The following SGCZ variants were observed in gnomAD, a reference collection of about 807,000 sequenced individuals.
SGCZ encodes the protein sarcoglycan zeta.
SGCZ carries 40 observed loss-of-function variants against 41.3 expected under a neutral mutation model. That is an observed-to-expected ratio of 0.97 (90% CI 0.75 to 1.26). The LOEUF (loss-of-function observed/expected upper bound fraction) is 1.26. SGCZ is among the 50% of genes most tolerant of loss of function. The probability of loss-of-function intolerance (pLI) is 0.00; values close to 1 mark genes in which losing one functional copy is unlikely to be tolerated. For synonymous variants in SGCZ, 206 were observed against 137.5 expected (o/e 1.50, Z -3.49); for missense variants, 552 against 369.8 (o/e 1.49, Z -4.04).
intron 3 of SGCZ, among the ~76,000 whole-genome samples, chr8:14,262,952 A>T (rs558862282): frequency 6.6e-6 from 1 of 152,128 alleles, no homozygotes; most frequent in African/African-American, 2.4e-5. Context: ...ATCCCTTATT[A>T]CCTTGATTTA....
At chr8:14,836,874 T>A (rs1802718372) in intron 1 of SGCZ, among the ~76,000 whole-genome samples, 1 of 152,176 alleles carries the variant, frequency 6.6e-6, no homozygotes, top group African/African-American at 2.4e-5. Flanking sequence ...GGCTACTACT[T>A]TCATGGAAAA....
At chr8:14,463,055 T>C (rs556490464) in intron 2 of SGCZ, among the ~76,000 whole-genome samples, 20 of 151,812 alleles carry the variant, frequency 1.3e-4, no homozygotes, top group Non-Finnish European at 2.8e-4. Flanking sequence ...CTTTGCTGAA[T>C]AGGTTTATTA....
chr8:15,060,097 G>A (rs982007165), intron 1 of SGCZ, among the ~76,000 whole-genome samples: 4 of 152,016 alleles, frequency 2.6e-5, no homozygotes, highest in Non-Finnish European at 5.9e-5. Context: ...CAACCATTGT[G>A]GAAGTCAATG....
intron 1 of SGCZ, among the ~76,000 whole-genome samples, chr8:14,826,563 G>A (rs1802328194): frequency 6.6e-6 from 1 of 152,096 alleles, no homozygotes; most frequent in African/African-American, 2.4e-5. Flanking sequence ...GTGTAGAAGT[G>A]TTCCTATTTC....
intron 1 of SGCZ, among the ~76,000 whole-genome samples, chr8:14,702,500 ATTC>A (rs1311259251): frequency 6.6e-6 from 1 of 151,906 alleles, no homozygotes; most frequent in Non-Finnish European, 1.5e-5. Flanking sequence ...ACACTGGTAT[ATTC>A]TTATTTATAC....
At chr8:14,677,290 A>G (rs1808308154) in intron 1 of SGCZ, among the ~76,000 whole-genome samples, 1 of 152,052 alleles carries the variant, frequency 6.6e-6, no homozygotes, top group African/African-American at 2.4e-5. Context: ...TAAGACTCTG[A>G]TCAAAGAAAT....
rs571370832 is a variant in SGCZ, at chr8:14,544,087, T to C, written c.234+10645A>G. 2.4e-4 allele frequency among the ~76,000 whole-genome samples: 37 copies of C among 152,234 alleles called. 1 individual carries two copies. Among genetic ancestry groups the C allele is most frequent in the Admixed American group, 1.2e-3 (18 of 15,268 alleles). On this transcript the variant is annotated intron_variant, in intron 2 of 7. Coordinates refer to ENST00000382080, the MANE Select transcript of SGCZ (RefSeq NM_139167.4). The stretch of plus-strand genomic sequence containing the variant: ...TCCCAGAAATATTAAAAAACACTTG[T>C]TGTGGGAAGTCAGGGACCCCAAACG...
chr8:14,895,649 TTAATAA>T (rs1805169367), intron 1 of SGCZ, among the ~76,000 whole-genome samples: 1 of 152,200 alleles, frequency 6.6e-6, no homozygotes. Flanking sequence ...AGGGACTTGC[TTAATAA>T]TATTAATAAT....
chr8:14,545,912 A>T (rs1252820686), intron 2 of SGCZ, among the ~76,000 whole-genome samples: 1 of 152,156 alleles, frequency 6.6e-6, no homozygotes, highest in Non-Finnish European at 1.5e-5. Context: ...TTATGCCACA[A>T]TTCTTGTAGT....
chr8:14,852,828 C>G, intron 1 of SGCZ, among the ~76,000 whole-genome samples: 1 of 152,190 alleles, frequency 6.6e-6, no homozygotes, highest in African/African-American at 2.4e-5. Flanking sequence ...TTCTCTGCAT[C>G]AAAGTCTTTC....
chr8:14,479,119 G>C (rs563287906), intron 2 of SGCZ, among the ~76,000 whole-genome samples: 1 of 152,258 alleles, frequency 6.6e-6, no homozygotes, highest in African/African-American at 2.4e-5. Flanking sequence ...GAAGTCCCAC[G>C]ATAGGCCATC....
chr8:14,434,018 G>A (rs1352276503), intron 2 of SGCZ, among the ~76,000 whole-genome samples: 1 of 152,194 alleles, frequency 6.6e-6, no homozygotes, highest in African/African-American at 2.4e-5. Context: ...TTGATTTTGG[G>A]TTCTTGGTCA....
chr8:14,437,660 T>G (rs1049138211), intron 2 of SGCZ, among the ~76,000 whole-genome samples: 4 of 151,876 alleles, frequency 2.6e-5, no homozygotes, highest in Admixed American at 6.6e-5. Context: ...TCAATAACAT[T>G]AAAGACTTCA....
intron 2 of SGCZ, among the ~76,000 whole-genome samples, chr8:14,465,411 A>G (rs1801021019): frequency 2.0e-5 from 3 of 151,626 alleles, no homozygotes; most frequent in Admixed American, 2.0e-4. Context: ...ATTATTTTCC[A>G]CCTTTCACTT....
In SGCZ at chr8:14,812,078, T is replaced by C. The variant is rs574817442; in HGVS notation, c.40-257152A>G. On this transcript the variant is annotated intron_variant, in intron 1 of 7. Transcript: ENST00000382080. ...ATAGTAAAGGATCAGCAAATATTAA[T>C]TTCTTAAATTCAACTGAAACAGTAC... 5.3e-5 allele frequency among the ~76,000 whole-genome samples: 8 copies of C among 152,106 alleles called. No individual in the cohort carries two copies. In the South Asian group the frequency reaches 1.7e-3, roughly 32 times the overall value.
chr8:14,590,227 G>C (rs1178830695), intron 1 of SGCZ, among the ~76,000 whole-genome samples: 2 of 151,956 alleles, frequency 1.3e-5, no homozygotes, highest in South Asian at 4.1e-4. Flanking sequence ...CTAGGACAGA[G>C]GATATGAATA....
intron 1 of SGCZ, among the ~76,000 whole-genome samples, chr8:14,568,645 A>T (rs1804457382): frequency 6.6e-6 from 1 of 152,160 alleles, no homozygotes. Context: ...AAATGACAAA[A>T]GATATGAAAA....
chr8:14,987,270 C>T (rs775422060), intron 1 of SGCZ, among the ~76,000 whole-genome samples: 5 of 151,878 alleles, frequency 3.3e-5, no homozygotes, highest in Admixed American at 6.6e-5. Context: ...TGTGGCACTA[C>T]ATCAAAACAC....
At chr8:14,242,413 G>C (rs562648887) in intron 3 of SGCZ, among the ~76,000 whole-genome samples, 1 of 152,302 alleles carries the variant, frequency 6.6e-6, no homozygotes, top group African/African-American at 2.4e-5. Context: ...TTGTAAGACA[G>C]ACAGGGGACC....
Sources: allele counts gnomAD v4.1 joint callset (sites outside exome capture counted in the v4.1 genomes callset), GRCh38; gene constraint gnomAD v4.1.1; transcripts MANE v1.5; gene names NCBI Gene and HGNC (gene_info 2026-07-23, HGNC 2026-07-21).